The following INPP4A variants were observed in gnomAD, a reference collection of about 807,000 sequenced individuals.
INPP4A encodes the protein inositol polyphosphate-4-phosphatase type I A, also known as inositol polyphosphate-4-phosphatase, type I, 107kD.
Under a neutral mutation model 119.8 loss-of-function variants are expected in INPP4A, and 33 were observed. That is an observed-to-expected ratio of 0.28 (90% CI 0.21 to 0.37). INPP4A has a LOEUF of 0.37. Ranked by LOEUF, INPP4A falls within the 10% of genes least tolerant of loss-of-function variation. The probability of loss-of-function intolerance (pLI) is 1.00; values close to 1 mark genes in which losing one functional copy is unlikely to be tolerated. For synonymous variants in INPP4A, 496 were observed against 500.7 expected (o/e 0.99, Z 0.12); for missense variants, 956 against 1,289.9 (o/e 0.74, Z 3.97).
At chr2:98,575,791 GC>G (rs1213063694) in intron 23 of INPP4A, among the ~76,000 whole-genome samples, 2 of 152,156 alleles carry the variant, frequency 1.3e-5, no homozygotes, top group African/African-American at 4.8e-5. Flanking sequence ...GATACCCGGA[GC>G]CCACCATCAT....
chr2:98,560,080 C>T (rs538781166), intron 17 of INPP4A, among the ~76,000 whole-genome samples: 2 of 152,132 alleles, frequency 1.3e-5, no homozygotes, highest in Non-Finnish European at 2.9e-5. Flanking sequence ...AGCAGAGAAC[C>T]CGTGGCCTTC....
rs1410855864 is a variant in INPP4A, at chr2:98,594,378, A to C, written c.*6770A>C. ...ACTGGTTGTTTAACAGTAAAAATTA[A>C]ATGTTTAAAACCCACCATTACTGAG... is the stretch of plus-strand genomic sequence containing the variant. On this transcript the variant is annotated 3_prime_UTR_variant, in exon 25 of 25. Coordinates refer to ENST00000409851, the MANE Select transcript of INPP4A (RefSeq NM_001134225.2). 6.6e-6 allele frequency: 1 copy of C among 152,200 alleles called. No individual in the cohort carries two copies. The highest frequency in any genetic ancestry group is 1.5e-5 in the Non-Finnish European group (1 of 68,030). The allele number at this position is 152,200 out of a possible 1,614,324, so 9.4% of individuals were successfully genotyped here.
chr2:98,457,221 A>G (rs1214191342), intron 1 of INPP4A, among the ~76,000 whole-genome samples: 1 of 152,220 alleles, frequency 6.6e-6, no homozygotes, highest in Non-Finnish European at 1.5e-5. Flanking sequence ...GAGAGTTTTA[A>G]GCAGTAGTGG....
chr2:98,563,456 G>T lies in INPP4A; in HGVS notation c.1856-9G>T. On this transcript the variant is annotated splice_polypyrimidine_tract_variant and intron_variant, in intron 17 of 24. Transcript: ENST00000409851. Reference sequence around the variant, plus strand: ...TCTCATTGTGATGACCCCTTCGCTTGTGCCCCAGGTGAATGGAGTGAGGCC... The same window carrying T: ...TCTCATTGTGATGACCCCTTCGCTTTTGCCCCAGGTGAATGGAGTGAGGCC... The T allele has an allele frequency of 6.2e-7, 1 of 1,610,696 alleles. No individual in the cohort carries two copies. The highest frequency in any genetic ancestry group is 8.5e-7 in the Non-Finnish European group (1 of 1,178,110).
rs373494811 is a variant in INPP4A at position 98,563,424 on chromosome 2, ATC to A, written c.1856-32_1856-31del. ...AAATTGCCAGAACCTAATTCTTAAA[ATC>A]TCTCTCTCATTGTGATGACCCCTTC... On this transcript the variant is annotated intron_variant, in intron 17 of 24. Transcript: ENST00000409851. The A allele has an allele frequency of 1.7e-4, 262 of 1,573,174 alleles. 4 individuals carry two copies. In the African/African-American group the frequency reaches 2.9e-3, roughly 18 times the overall value.
chr2:98,448,942 A>G (rs745539793), intron 1 of INPP4A, among the ~76,000 whole-genome samples: 1 of 152,054 alleles, frequency 6.6e-6, no homozygotes, highest in African/African-American at 2.4e-5. Context: ...TACTCTCGCC[A>G]TCCTCCTGCG....
At chr2:98,537,475 C>T (rs1407947720) in intron 7 of INPP4A, among the ~76,000 whole-genome samples, 1 of 152,214 alleles carries the variant, frequency 6.6e-6, no homozygotes, top group Non-Finnish European at 1.5e-5. Context: ...CAGAAAAGGG[C>T]CCAGGGCCAG....
intron 1 of INPP4A, among the ~76,000 whole-genome samples, chr2:98,464,294 A>G (rs1674273491): frequency 6.6e-6 from 1 of 152,028 alleles, no homozygotes; most frequent in Non-Finnish European, 1.5e-5. Context: ...AACCCAGGGG[A>G]AGCTGAGGCC....
chr2:98,460,453 G>C (rs1265931634), intron 1 of INPP4A, among the ~76,000 whole-genome samples: 3 of 152,166 alleles, frequency 2.0e-5, no homozygotes, highest in Non-Finnish European at 4.4e-5. Context: ...CTTTTGTAAA[G>C]TTTGGGAATT....
intron 1 of INPP4A, among the ~76,000 whole-genome samples, chr2:98,502,310 G>GGCTTGGAGGCCGTACCT (rs3835897): frequency 6.6e-6 from 1 of 152,014 alleles, no homozygotes. Context: ...GGCTTGAGGT[G>GGCTTGGAGGCCGTACCT]GCTACATGTT....
intron 4 of INPP4A, among the ~76,000 whole-genome samples, chr2:98,533,143 G>A (rs931050882): frequency 2.6e-5 from 4 of 152,236 alleles, no homozygotes; most frequent in Non-Finnish European, 5.9e-5. Context: ...CCCCGTCAGC[G>A]CAGCCTTTCA....
At chr2:98,507,638 G>A (rs1217809302) in intron 1 of INPP4A, among the ~76,000 whole-genome samples, 2 of 152,098 alleles carry the variant, frequency 1.3e-5, no homozygotes. Flanking sequence ...CCATGCAGGC[G>A]GCCTCTGGTG....
rs145325438 is a variant in INPP4A, at chr2:98,520,021, C to T, written c.-28C>T. 702 of 1,545,316 alleles carry T rather than the reference C, an allele frequency of 4.5e-4. 6 individuals carry two copies. The East Asian group carries it at 0.015, about 34-fold the overall frequency. On this transcript the variant is annotated 5_prime_UTR_variant, in exon 3 of 25. It introduces an in-frame stop codon into an upstream open reading frame of the 5' UTR. Coordinates refer to ENST00000409851, the MANE Select transcript of INPP4A (RefSeq NM_001134225.2). Reference sequence around the variant, plus strand: ...AATCAGGCGTGGTCTGACCGAGGATCAAGAAGCACATCATCACCAATGACA... The same window carrying T: ...AATCAGGCGTGGTCTGACCGAGGATTAAGAAGCACATCATCACCAATGACA...
At chr2:98,581,446 C>T (rs1169605780) in intron 24 of INPP4A, 21 of 911,170 alleles carry the variant, frequency 2.3e-5, no homozygotes, top group South Asian at 8.7e-5. Flanking sequence ...TTTTTTTAAC[C>T]TTATCTTTTG....
intron 1 of INPP4A, among the ~76,000 whole-genome samples, chr2:98,514,044 G>A (rs1003424320): frequency 1.3e-5 from 2 of 152,198 alleles, no homozygotes; most frequent in African/African-American, 4.8e-5. Context: ...GGGGACCCAT[G>A]GAAACGGAGG....
Position 98,536,114 on chromosome 2 carries a change from C to T in INPP4A, c.388-15C>T, listed in dbSNP as rs369765777. ...CAAGCGCACCAATGCTGCCTCTCTT[C>T]CTTCTCTTCCTCAGATGTATTTACT... is the stretch of plus-strand genomic sequence containing the variant. On this transcript the variant is annotated splice_polypyrimidine_tract_variant and intron_variant, in intron 6 of 24. Coordinates refer to ENST00000409851, the MANE Select transcript of INPP4A (RefSeq NM_001134225.2). The T allele has an allele frequency of 1.1e-5, 18 of 1,570,312 alleles. No homozygotes were observed. Among genetic ancestry groups the T allele is most frequent in the African/African-American group, 1.1e-4 (8 of 74,082 alleles).
chr2:98,556,238 T>G (rs919853362), intron 16 of INPP4A: 2 of 163,892 alleles, frequency 1.2e-5, no homozygotes, highest in Non-Finnish European at 1.3e-5. Flanking sequence ...GGATGAGAGA[T>G]ATTGGCAGGT....
chr2:98,578,967 C>T (rs1698866234), intron 24 of INPP4A, among the ~76,000 whole-genome samples: 1 of 152,200 alleles, frequency 6.6e-6, no homozygotes, highest in South Asian at 2.1e-4. Flanking sequence ...AAAACACCCA[C>T]ATGCACAAAC....
intron 1 of INPP4A, among the ~76,000 whole-genome samples, chr2:98,510,123 G>T (rs1684849933): frequency 6.6e-6 from 1 of 152,256 alleles, no homozygotes; most frequent in African/African-American, 2.4e-5. Flanking sequence ...TGGGAGGGAC[G>T]CTGGTCAAAT....
Sources: allele counts gnomAD v4.1 joint callset (sites outside exome capture counted in the v4.1 genomes callset), GRCh38; gene constraint gnomAD v4.1.1; transcripts MANE v1.5; gene names NCBI Gene and HGNC (gene_info 2026-07-23, HGNC 2026-07-21).